Variants in ZFPM2 observed in about 807,000 individuals in gnomAD.
ZFPM2 encodes zinc finger protein ZFPM2.
In ZFPM2, 20 loss-of-function variants were observed where a neutral mutation model predicts 98.6. That is an observed-to-expected ratio of 0.20 (90% CI 0.14 to 0.29). The LOEUF is 0.29. Among genes scored for constraint, ZFPM2 ranks in the 10% least tolerant of loss-of-function variants. The probability of loss-of-function intolerance (pLI) is 1.00; values close to 1 mark genes in which losing one functional copy is unlikely to be tolerated. For synonymous variants in ZFPM2, 518 were observed against 502.7 expected (o/e 1.03, Z -0.41); for missense variants, 1,310 against 1,388.6 (o/e 0.94, Z 0.90).
At chr8:105,454,435 C>T (rs1353070616) in intron 3 of ZFPM2, among the ~76,000 whole-genome samples, 2 of 152,122 alleles carry the variant, frequency 1.3e-5, no homozygotes. Context: ...AGACTGGGTG[C>T]CCCACTGGAT....
chr8:105,418,293 T>A (rs1345529567), intron 1 of ZFPM2, among the ~76,000 whole-genome samples: 32 of 152,152 alleles, frequency 2.1e-4, no homozygotes, highest in Admixed American at 2.1e-3. Flanking sequence ...AAATGCAGTT[T>A]CTACTTATTA....
chr8:105,434,513 C>G (rs145301108), intron 2 of ZFPM2, among the ~76,000 whole-genome samples: 1 of 152,286 alleles, frequency 6.6e-6, no homozygotes, highest in African/African-American at 2.4e-5. Context: ...GAAGCTCACA[C>G]ATTTTTCATC....
At chr8:105,786,307 ATTTTCT>A (rs1433913672) in intron 5 of ZFPM2, among the ~76,000 whole-genome samples, 3 of 151,970 alleles carry the variant, frequency 2.0e-5, no homozygotes, top group East Asian at 1.9e-4. Flanking sequence ...GTCCTCTTAC[ATTTTCT>A]TTAGCATGAA....
chr8:105,601,928 C>G (rs995135521), intron 4 of ZFPM2, among the ~76,000 whole-genome samples: 1 of 152,068 alleles, frequency 6.6e-6, no homozygotes, highest in African/African-American at 2.4e-5. Flanking sequence ...CACTGGGCCT[C>G]AAGATTTATT....
intron 4 of ZFPM2, among the ~76,000 whole-genome samples, chr8:105,586,789 A>G (rs926864291): frequency 1.3e-5 from 2 of 151,394 alleles, no homozygotes; most frequent in African/African-American, 4.8e-5. Context: ...CTTATTATCT[A>G]AAGTGTTTAT....
At chr8:105,357,544 A>G (rs1390122246) in intron 1 of ZFPM2, among the ~76,000 whole-genome samples, 1 of 152,222 alleles carries the variant, frequency 6.6e-6, no homozygotes, top group African/African-American at 2.4e-5. Context: ...AACTAGCTAC[A>G]GAGATGAATT....
At chr8:105,668,948 A>G (rs1817536214) in intron 5 of ZFPM2, among the ~76,000 whole-genome samples, 1 of 152,182 alleles carries the variant, frequency 6.6e-6, no homozygotes, top group Non-Finnish European at 1.5e-5. Context: ...AAACTAGTTG[A>G]TGGAAACATA....
At chr8:105,702,727 T>C (rs1811166263) in intron 5 of ZFPM2, among the ~76,000 whole-genome samples, 1 of 152,236 alleles carries the variant, frequency 6.6e-6, no homozygotes, top group African/African-American at 2.4e-5. Flanking sequence ...CCTATTTGCC[T>C]GACCCTAGAA....
At chr8:105,385,708 G>A (rs1810974152) in intron 1 of ZFPM2, among the ~76,000 whole-genome samples, 2 of 152,098 alleles carry the variant, frequency 1.3e-5, no homozygotes, top group East Asian at 3.9e-4. Context: ...TCAGCAGAAG[G>A]ACCCCAGCGA....
At chr8:105,592,183 A>G (rs2130766660) in intron 4 of ZFPM2, among the ~76,000 whole-genome samples, 1 of 152,244 alleles carries the variant, frequency 6.6e-6, no homozygotes, top group East Asian at 1.9e-4. Flanking sequence ...TCAAAAGGTC[A>G]GGAGGCTGCT....
At chr8:105,580,586 G>T (rs141663192) in intron 4 of ZFPM2, among the ~76,000 whole-genome samples, 1 of 151,846 alleles carries the variant, frequency 6.6e-6, no homozygotes, top group Non-Finnish European at 1.5e-5. Context: ...ACTCTGTTTC[G>T]CTTGACGATG....
chr8:105,646,273 C>A (rs544991331), intron 5 of ZFPM2, among the ~76,000 whole-genome samples: 3 of 152,152 alleles, frequency 2.0e-5, no homozygotes, highest in Non-Finnish European at 4.4e-5. Context: ...CTGTGGTTAG[C>A]AGTCTCCCAT....
At chr8:105,652,903 G>A (rs1018604403) in intron 5 of ZFPM2, among the ~76,000 whole-genome samples, 1 of 152,084 alleles carries the variant, frequency 6.6e-6, no homozygotes, top group African/African-American at 2.4e-5. Context: ...AAGGCCTTAA[G>A]TAAAATAGCA....
chr8:105,423,194 A>T (rs1811838982), intron 2 of ZFPM2, among the ~76,000 whole-genome samples: 1 of 152,202 alleles, frequency 6.6e-6, no homozygotes, highest in Non-Finnish European at 1.5e-5. Context: ...TCAGAATTTT[A>T]TGTTAGCATT....
In ZFPM2 at chr8:105,546,583, A is replaced by AAAAC. The variant is rs544659193; in HGVS notation, c.302-14779_302-14778insAACA. On this transcript the variant is annotated intron_variant, in intron 3 of 7. Transcript: ENST00000407775. ...AGCTCAGTCTCAAAAAAAAAAAAAA[A>AAAAC]ACAAACCCAAAAACCACTAAGATAA... 4.4e-3 allele frequency among the ~76,000 whole-genome samples: 664 copies of AAAAC among 149,826 alleles called. 9 individuals carry two copies. The highest frequency in any genetic ancestry group is 0.015 in the African/African-American group (614 of 39,976).
chr8:105,323,387 C>A (rs1016341032), intron 1 of ZFPM2, among the ~76,000 whole-genome samples: 2 of 151,318 alleles, frequency 1.3e-5, no homozygotes, highest in African/African-American at 4.8e-5. Context: ...CAAAATAATT[C>A]TTCTCTTTGG....
intron 2 of ZFPM2, among the ~76,000 whole-genome samples, chr8:105,431,996 A>G (rs889282796): frequency 3.3e-5 from 5 of 151,858 alleles, no homozygotes; most frequent in Middle Eastern, 3.2e-3. Context: ...AAAAAAGGTC[A>G]TAGAGTTTCA....
chr8:105,469,406 A>G (rs1812855249), intron 3 of ZFPM2, among the ~76,000 whole-genome samples: 1 of 151,810 alleles, frequency 6.6e-6, no homozygotes, highest in Non-Finnish European at 1.5e-5. Context: ...ACTCCTTTTT[A>G]TGACTGCGTC....
intron 4 of ZFPM2, among the ~76,000 whole-genome samples, chr8:105,604,790 G>A (rs749758040): frequency 3.3e-5 from 5 of 151,990 alleles, no homozygotes; most frequent in Admixed American, 3.3e-4. Flanking sequence ...AAGCAAACAA[G>A]ACTCTGTTAT....
Sources: allele counts gnomAD v4.1 joint callset (sites outside exome capture counted in the v4.1 genomes callset), GRCh38; gene constraint gnomAD v4.1.1; transcripts MANE v1.5; gene names NCBI Gene and HGNC (gene_info 2026-07-23, HGNC 2026-07-21).